The following CHST1 variants were observed in gnomAD, a reference collection of about 807,000 sequenced individuals.
The protein encoded by CHST1 is Keratan sulfotransferase.
CHST1 carries 10 observed loss-of-function variants against 22.5 expected under a neutral mutation model. The ratio of observed to expected loss-of-function variants is 0.44; its 90% CI spans 0.27 to 0.75. The LOEUF is 0.75. CHST1 is among the 30% of genes least tolerant of loss of function. CHST1 has a pLI of 0.15. For missense variants in CHST1, 439 were observed against 576.1 expected (o/e 0.76, Z 2.44); for synonymous variants, 267 against 264.5 (o/e 1.01, Z -0.09).
At chr11:45,654,886 C>T (rs1564998412) in intron 1 of CHST1, among the ~76,000 whole-genome samples, 1 of 152,202 alleles carries the variant, frequency 6.6e-6, no homozygotes, top group Non-Finnish European at 1.5e-5. Context: ...TCACAGAGCT[C>T]ACCCCCTGAA....
chr11:45,661,983 G>C (rs1852138681), intron 1 of CHST1, among the ~76,000 whole-genome samples: 1 of 152,228 alleles, frequency 6.6e-6, no homozygotes, highest in South Asian at 2.1e-4. Flanking sequence ...AGCTGCTCAG[G>C]CTGGAGCCCC....
At position 45,650,751 on chromosome 11, in the gene CHST1, G is replaced by A. The variant is rs1426205300; in HGVS notation, c.173C>T (p.Ser58Phe). 1 of 1,614,172 alleles carries A rather than the reference G, an allele frequency of 6.2e-7. No homozygotes were observed. The change falls in exon 4 of 4, where the codon TCC (serine) becomes TTC (phenylalanine). Residue 58 changes from serine (S) to phenylalanine (F), a missense_variant. By Grantham distance (155) the Ser-to-Phe change is radical. Coordinates refer to ENST00000308064, the MANE Select transcript of CHST1 (RefSeq NM_003654.6). ...EESPTFAYNL[S>F]RKTHILILAT... Reference sequence around the variant, plus strand: ...CAGGATGAGGATGTGGGTCTTGCGGGAGAGGTTGTAGGCGAAGGTGGGGCT... The same window carrying A: ...CAGGATGAGGATGTGGGTCTTGCGGAAGAGGTTGTAGGCGAAGGTGGGGCT...
At chr11:45,664,448 G>A (rs1852172007) in intron 1 of CHST1, among the ~76,000 whole-genome samples, 1 of 152,164 alleles carries the variant, frequency 6.6e-6, no homozygotes, top group Admixed American at 6.5e-5. Context: ...TCAGGCCAAG[G>A]TGCCACTCCA....
rs1164100450 is a variant in CHST1, at chr11:45,650,566, T to C, written c.358A>G (p.Ser120Gly). The part of the protein sequence containing the change: ...PADRRVMLGA[S>G]RDLLRSLYDC... ...TAGAGGCTCCGCAGGAGGTCGCGGC[T>C]GGCGCCTAGCATGACCCGCCGGTCG... The change falls in exon 4 of 4, where the codon AGC becomes GGC. Residue 120 changes from serine to glycine, a missense_variant. Transcript: ENST00000308064. 1.2e-6 allele frequency: 2 copies of C among 1,613,858 alleles called. No homozygotes were observed. The highest frequency in any genetic ancestry group is 1.7e-6 in the Non-Finnish European group (2 of 1,179,962).
chr11:45,658,172 G>T (rs777566830), intron 1 of CHST1, among the ~76,000 whole-genome samples: 24 of 152,330 alleles, frequency 1.6e-4, no homozygotes, highest in Non-Finnish European at 3.4e-4. Context: ...GAATCCAACT[G>T]CTGTTGCCTT....
At chr11:45,651,240 G>A in intron 3 of CHST1, 1 of 244,808 alleles carries the variant, frequency 4.1e-6, no homozygotes, top group Non-Finnish European at 7.8e-6. Flanking sequence ...GAGTTCCTTA[G>A]AGGGGCCTCA....
intron 1 of CHST1, among the ~76,000 whole-genome samples, chr11:45,657,263 A>G (rs1387195510): frequency 6.6e-6 from 1 of 151,908 alleles, no homozygotes; most frequent in African/African-American, 2.4e-5. Flanking sequence ...TGCATAAAAC[A>G]GCAAGGCGTT....
At chr11:45,663,306 A>G (rs965169784) in intron 1 of CHST1, among the ~76,000 whole-genome samples, 1 of 152,086 alleles carries the variant, frequency 6.6e-6, no homozygotes, top group African/African-American at 2.4e-5. Context: ...ACACCCCTCT[A>G]TCAGTGTCGT....
intron 1 of CHST1, among the ~76,000 whole-genome samples, chr11:45,662,915 C>T (rs1230786278): frequency 6.6e-6 from 1 of 152,158 alleles, no homozygotes; most frequent in Admixed American, 6.5e-5. Flanking sequence ...CCCTCACAGT[C>T]CCCACCGAAG....
At chr11:45,659,097 G>A (rs1008474986) in intron 1 of CHST1, among the ~76,000 whole-genome samples, 4 of 152,186 alleles carry the variant, frequency 2.6e-5, no homozygotes, top group East Asian at 1.9e-4. Context: ...GGAGGCTGCC[G>A]ACGTGGATAC....
intron 1 of CHST1, among the ~76,000 whole-genome samples, 200 bp downstream of exon 1, chr11:45,664,978 C>G (rs1852179294): frequency 6.6e-6 from 1 of 152,110 alleles, no homozygotes; most frequent in South Asian, 2.1e-4. Flanking sequence ...GATCGCGGCG[C>G]TCACCGGCCA....
intron 1 of CHST1, among the ~76,000 whole-genome samples, chr11:45,664,368 G>C (rs1475758613): frequency 6.6e-6 from 1 of 152,194 alleles, no homozygotes; most frequent in Non-Finnish European, 1.5e-5. Flanking sequence ...AGAGGAAGCC[G>C]GCCCCAGAGC....
At chr11:45,664,993 C>T (rs1181081456) in intron 1 of CHST1, among the ~76,000 whole-genome samples, 185 bp downstream of exon 1, 13 of 151,988 alleles carry the variant, frequency 8.6e-5, no homozygotes, top group Admixed American at 8.5e-4. Flanking sequence ...CGGCCACCAG[C>T]CCCGGCAGCC....
chr11:45,658,950 G>A (rs1450714463), intron 1 of CHST1, among the ~76,000 whole-genome samples: 1 of 152,224 alleles, frequency 6.6e-6, no homozygotes, highest in Non-Finnish European at 1.5e-5. Context: ...GCTGGGAGAG[G>A]GGCCCGCCTG....
intron 1 of CHST1, among the ~76,000 whole-genome samples, chr11:45,656,272 G>T (rs1027884065): frequency 2.0e-5 from 3 of 152,176 alleles, no homozygotes; most frequent in Non-Finnish European, 2.9e-5. Context: ...CTCTTTCCTA[G>T]AAGCTTAACC....
chr11:45,664,632 C>G (rs1852173984), intron 1 of CHST1, among the ~76,000 whole-genome samples: 1 of 152,232 alleles, frequency 6.6e-6, no homozygotes, highest in African/African-American at 2.4e-5. Flanking sequence ...TTCCGGCTTT[C>G]CGTGGTGGGC....
In CHST1 at chr11:45,648,616, G is replaced by A. The variant is rs373359058; in HGVS notation, c.*1072C>T. On this transcript the variant is annotated 3_prime_UTR_variant, in exon 4 of 4. Coordinates refer to ENST00000308064, the MANE Select transcript of CHST1 (RefSeq NM_003654.6). ...TGAGGCGGGAGAACTGCTTGAACCT[G>A]GGAGGCAGAGGTTGCAGTGAGCCGA... is the stretch of plus-strand genomic sequence containing the variant. Among the ~76,000 whole-genome samples the A allele has an allele frequency of 4.6e-5, 7 of 152,140 alleles. No homozygotes were observed. The highest frequency in any genetic ancestry group is 7.2e-5 in the African/African-American group (3 of 41,420).
chr11:45,658,129 AC>A (rs1852085028), intron 1 of CHST1, among the ~76,000 whole-genome samples: 2 of 152,076 alleles, frequency 1.3e-5, no homozygotes, highest in Admixed American at 6.5e-5. Flanking sequence ...GTAGTTAGGC[AC>A]CCCAGCTGTG....
chr11:45,656,827 G>A (rs1377918230), intron 1 of CHST1, among the ~76,000 whole-genome samples: 2 of 151,866 alleles, frequency 1.3e-5, no homozygotes, highest in South Asian at 2.1e-4. Context: ...TGCTCAGGTG[G>A]GCCACTAAGG....
Sources: allele counts gnomAD v4.1 joint callset (sites outside exome capture counted in the v4.1 genomes callset), GRCh38; gene constraint gnomAD v4.1.1; transcripts MANE v1.5; gene names NCBI Gene and HGNC (gene_info 2026-07-23, HGNC 2026-07-21).